Variants in GRIP1 observed in about 807,000 individuals in gnomAD.
GRIP1 encodes glutamate receptor interacting protein 1.
In GRIP1, 45 loss-of-function variants were observed where a neutral mutation model predicts 129.9. The ratio of observed to expected loss-of-function variants is 0.35; its 90% CI spans 0.27 to 0.44. GRIP1 has a LOEUF of 0.44. Ranked by LOEUF, GRIP1 falls within the 20% of genes least tolerant of loss-of-function variation. The pLI is 1.00. For missense variants in GRIP1, 1,196 were observed against 1,396.8 expected, an observed-to-expected ratio of 0.86 and a Z score of 2.29; for synonymous variants, 530 against 520.8, an observed-to-expected ratio of 1.02 and a Z score of -0.24.
chr12:66,738,982 G>T (rs1258520170), intron 1 of GRIP1, among the ~76,000 whole-genome samples: 3 of 152,070 alleles, frequency 2.0e-5, no homozygotes, highest in Non-Finnish European at 4.4e-5. Context: ...CAGGAACTTT[G>T]ATCCTTGACT....
At chr12:67,056,795 TTTG>T (rs1212618259) in intron 1 of GRIP1, among the ~76,000 whole-genome samples, 1 of 151,758 alleles carries the variant, frequency 6.6e-6, no homozygotes, top group East Asian at 1.9e-4. Context: ...ACTGAATGGT[TTTG>T]TTTTGTTTTG....
intron 11 of GRIP1, among the ~76,000 whole-genome samples, chr12:66,454,248 T>C (rs2058889310): frequency 6.6e-6 from 1 of 152,184 alleles, no homozygotes. Flanking sequence ...CCTGGGGAGA[T>C]GAATCTCTTG....
In GRIP1 at chr12:66,785,335, C is replaced by CATATATATATATAT. The variant is rs1448856691; in HGVS notation, c.-420+18717_-420+18718insATATATATATATAT. On this transcript the variant is annotated intron_variant, in intron 1 of 4. Transcript: ENST00000538373. ...ACATACATACATACATACATACATACATACATACATATATATATATATATA... is the reference window on the plus strand; with the variant it reads ...ACATACATACATACATACATACATACATATATATATATATATACATACATATATATATATATATA... Among the ~76,000 whole-genome samples the CATATATATATATAT allele has an allele frequency of 4.7e-3, 131 of 27,728 alleles. 1 individual carries two copies. The highest frequency in any genetic ancestry group is 0.015 in the East Asian group (14 of 946). 18.2% of individuals were successfully genotyped at this position (27,728 alleles called of 152,430 possible).
intron 2 of GRIP1, among the ~76,000 whole-genome samples, chr12:66,575,893 G>A (rs2063123181): frequency 6.6e-6 from 1 of 152,146 alleles, no homozygotes; most frequent in South Asian, 2.1e-4. Context: ...TATGCCAAAG[G>A]TAGGCAAAAT....
rs187952552 is a variant in GRIP1 at position 66,672,912 on chromosome 12, T to G, written c.55+5938A>C. On this transcript the variant is annotated intron_variant, in intron 1 of 24. Coordinates refer to ENST00000359742, the MANE Select transcript of GRIP1 (RefSeq NM_001366722.1). ...CTGAAATTTAGTGGGGGAAATTCAG[T>G]TTTTTTGTTTGTTTGTTTTTGCCAC... Among the ~76,000 whole-genome samples, 26 of 152,232 alleles carry G rather than the reference T, an allele frequency of 1.7e-4. No homozygotes were observed. The East Asian group carries it at 4.8e-3, about 28-fold the overall frequency.
chr12:66,645,275 C>T (rs1212058551), intron 1 of GRIP1, among the ~76,000 whole-genome samples: 2 of 152,170 alleles, frequency 1.3e-5, no homozygotes, highest in South Asian at 2.1e-4. Flanking sequence ...AAGTAAGCAG[C>T]TCTTCTCATA....
Position 66,659,964 on chromosome 12 carries a change from T to C in GRIP1, c.55+18886A>G, listed in dbSNP as rs1004227422. On this transcript the variant is annotated intron_variant, in intron 1 of 24. Coordinates refer to ENST00000359742, the MANE Select transcript of GRIP1 (RefSeq NM_001366722.1). Reference sequence around the variant, plus strand: ...AACACACAAAATAAACAAAGGGTTGTTTTTCTATTAAAATGATTCTATTTG... The same window carrying C: ...AACACACAAAATAAACAAAGGGTTGCTTTTCTATTAAAATGATTCTATTTG... Among the ~76,000 whole-genome samples the C allele has an allele frequency of 8.5e-5, 13 of 152,282 alleles. No homozygotes were observed. In the East Asian group the frequency reaches 2.5e-3, roughly 29 times the overall value.
intron 1 of GRIP1, among the ~76,000 whole-genome samples, chr12:66,912,868 TTC>T (rs1427455972): frequency 1.3e-5 from 2 of 152,162 alleles, no homozygotes; most frequent in African/African-American, 4.8e-5. Context: ...ATTATTTTCT[TTC>T]TCTACTCAGG....
At chr12:66,758,167 C>A (rs867603465) in intron 1 of GRIP1, among the ~76,000 whole-genome samples, 27 of 152,150 alleles carry the variant, frequency 1.8e-4, no homozygotes, top group South Asian at 4.2e-4. Context: ...AAACTGGGAA[C>A]AAAAAGAGAT....
chr12:66,686,738 T>A (rs144502704), intron 1 of GRIP1, among the ~76,000 whole-genome samples: 1 of 152,320 alleles, frequency 6.6e-6, no homozygotes, highest in Non-Finnish European at 1.5e-5. Context: ...AGTTAAGTTT[T>A]CCATATTAAG....
intron 13 of GRIP1, among the ~76,000 whole-genome samples, chr12:66,441,516 T>C: frequency 6.6e-6 from 1 of 152,008 alleles, no homozygotes; most frequent in Non-Finnish European, 1.5e-5. Context: ...CCTGCACTAC[T>C]CTCTCCTGGG....
At chr12:66,975,544 C>T (rs2042139000) in intron 1 of GRIP1, among the ~76,000 whole-genome samples, 1 of 152,126 alleles carries the variant, frequency 6.6e-6, no homozygotes, top group African/African-American at 2.4e-5. Context: ...ACTTATCTTT[C>T]CTGTCTTTTT....
chr12:66,739,599 G>A (rs756666583), intron 1 of GRIP1, among the ~76,000 whole-genome samples: 2 of 152,070 alleles, frequency 1.3e-5, no homozygotes, highest in Non-Finnish European at 2.9e-5. Context: ...AGTGACAGGA[G>A]AGGGAGAGCA....
At chr12:66,607,740 A>G (rs550976273) in intron 1 of GRIP1, among the ~76,000 whole-genome samples, 4 of 152,310 alleles carry the variant, frequency 2.6e-5, no homozygotes, top group Admixed American at 2.0e-4. Context: ...GGAGTAGCTC[A>G]TGCAGCAGAG....
chr12:66,521,244 G>A (rs73125005), intron 5 of GRIP1, among the ~76,000 whole-genome samples: 17 of 152,232 alleles, frequency 1.1e-4, no homozygotes, highest in African/African-American at 4.1e-4. Context: ...ATGCTGACAT[G>A]TTGACATGTG....
chr12:66,481,037 CA>C (rs1171109242), intron 7 of GRIP1, among the ~76,000 whole-genome samples: 1 of 151,970 alleles, frequency 6.6e-6, no homozygotes, highest in Non-Finnish European at 1.5e-5. Flanking sequence ...AAAGCAATGG[CA>C]ACAAAAGCCA....
rs1354506809 is a variant in GRIP1 at position 66,844,715 on chromosome 12, A to G, written c.58+224335T>C. On this transcript the variant is annotated intron_variant, in intron 1 of 1. Transcript: ENST00000643019. Reference sequence around the variant, plus strand: ...ATGGAAGCAACCCAAATGTCCATCAATGGATGAACTGCCAAATAATATGTG... The same window carrying G: ...ATGGAAGCAACCCAAATGTCCATCAGTGGATGAACTGCCAAATAATATGTG... Among the ~76,000 whole-genome samples the G allele has an allele frequency of 2.0e-5, 3 of 152,210 alleles. No homozygotes were observed. The East Asian group carries it at 5.8e-4, about 29-fold the overall frequency.
At chr12:67,007,755 C>T (rs1001677445) in intron 1 of GRIP1, among the ~76,000 whole-genome samples, 1 of 152,140 alleles carries the variant, frequency 6.6e-6, no homozygotes. Flanking sequence ...GCAGTCTTGC[C>T]ACACAAATCA....
intron 1 of GRIP1, among the ~76,000 whole-genome samples, chr12:66,891,124 A>G (rs1014273443): frequency 1.3e-5 from 2 of 152,240 alleles, no homozygotes; most frequent in Non-Finnish European, 2.9e-5. Flanking sequence ...AAAAGTGAAA[A>G]GATCTCAAAG....
Sources: allele counts gnomAD v4.1 joint callset (sites outside exome capture counted in the v4.1 genomes callset), GRCh38; gene constraint gnomAD v4.1.1; transcripts MANE v1.5; gene names NCBI Gene and HGNC (gene_info 2026-07-23, HGNC 2026-07-21).